KDM2B: variants seen among roughly 807,000 people sequenced by gnomAD.
KDM2B encodes lysine demethylase 2B.
Under a neutral mutation model 150.0 loss-of-function variants are expected in KDM2B, and 26 were observed. The observed-to-expected ratio is 0.17, with a 90% CI of 0.13 to 0.24. The LOEUF (loss-of-function observed/expected upper bound fraction) is 0.24. Among genes scored for constraint, KDM2B ranks in the 10% least tolerant of loss-of-function variants. The pLI is 1.00. For missense variants in KDM2B, 1,265 were observed against 1,816.9 expected (o/e 0.70, Z 5.52); for synonymous variants, 734 against 729.5 (o/e 1.01, Z -0.10).
the KDM2B span, among the ~76,000 whole-genome samples, chr12:121,421,690 TA>T: frequency 1.3e-5 from 2 of 151,958 alleles, no homozygotes; most frequent in African/African-American, 4.8e-5. Context: ...TTTTTAATTG[TA>T]AAAAAAATAT....
At chr12:121,410,218 AG>A in the KDM2B span, among the ~76,000 whole-genome samples, 1 of 151,756 alleles carries the variant, frequency 6.6e-6, no homozygotes, top group Non-Finnish European at 1.5e-5. Context: ...TGGGGCTTAA[AG>A]GGGAGATGGA....
the KDM2B span, among the ~76,000 whole-genome samples, chr12:121,415,052 C>T: frequency 6.6e-5 from 10 of 151,970 alleles, no homozygotes; most frequent in South Asian, 2.1e-4. Flanking sequence ...GCCGAGATCA[C>T]GCCATTACAC....
At chr12:121,466,306 C>G (rs1176260065) in intron 12 of KDM2B, among the ~76,000 whole-genome samples, 1 of 152,206 alleles carries the variant, frequency 6.6e-6, no homozygotes, top group Non-Finnish European at 1.5e-5. Context: ...CGTCCTGTTC[C>G]AAGTATTATT....
Position 121,549,466 on chromosome 12 carries a change from C to T in KDM2B, c.570G>A (p.Pro190=), listed in dbSNP as rs370456747. Residue 190 remains proline (P), a synonymous_variant, in exon 5 of 23, where the codon CCG becomes CCA. Transcript: ENST00000377071. This position sits in a 1 kb window ranked among gnomAD's most constrained non-coding sequence, Gnocchi z 4.4. The part of the protein sequence containing the change: ...HTKLEHLVKR[P]TVVDLVDWVD... ...ACCTGGGCCCCGGACCTACCACAGT[C>T]GGACGCTTGACCAAGTGCTCCAGCT... 46 of 1,597,046 alleles carry T rather than the reference C, an allele frequency of 2.9e-5. No individual in the cohort carries two copies. The highest frequency in any genetic ancestry group is 3.6e-5 in the Non-Finnish European group (42 of 1,167,566).
chr12:121,538,153 G>A (rs1349920003), intron 6 of KDM2B, among the ~76,000 whole-genome samples: 5 of 152,102 alleles, frequency 3.3e-5, no homozygotes, highest in Non-Finnish European at 7.4e-5. Context: ...CGCGGCGCGG[G>A]GCCGCCAGGG....
chr12:121,445,466 G>T, intron 13 of KDM2B, 48 bp from the exon 14 acceptor site: 1 of 1,524,964 alleles, frequency 6.6e-7, no homozygotes. Flanking sequence ...TGGGGAGCAC[G>T]GACCCCCAGG....
intron 12 of KDM2B, among the ~76,000 whole-genome samples, chr12:121,491,777 G>A (rs1413593589): frequency 2.2e-5 from 3 of 135,190 alleles, no homozygotes; most frequent in Non-Finnish European, 4.6e-5. Context: ...CTGGTGACAA[G>A]AGCAAGATTC....
chr12:121,525,817 A>G (rs1887081589), intron 8 of KDM2B, among the ~76,000 whole-genome samples: 1 of 152,224 alleles, frequency 6.6e-6, no homozygotes, highest in African/African-American at 2.4e-5. Flanking sequence ...TTGGGTCTTC[A>G]GTGGTTCTTT....
intron 14 of KDM2B, chr12:121,444,778 C>A (rs1471272066): frequency 3.5e-6 from 2 of 567,690 alleles, no homozygotes; most frequent in African/African-American, 1.9e-5. Context: ...CAAGACACTC[C>A]GTCTCTGTGG....
chr12:121,445,818 C>G (rs1340332125), intron 13 of KDM2B, among the ~76,000 whole-genome samples: 2 of 152,026 alleles, frequency 1.3e-5, no homozygotes, highest in Middle Eastern at 3.2e-3. Context: ...CAGAAAAGCC[C>G]CAAAGGAGCA....
In KDM2B at chr12:121,484,692, C is replaced by A. The variant is rs1260126487; in HGVS notation, c.1734+9887G>T. ...ATTTAGCTGGGCATGATGGTGCACA[C>A]CTGTGGTCCCAGCTACTTGGGAGGC... On this transcript the variant is annotated intron_variant, in intron 12 of 22. Coordinates refer to ENST00000377071, the MANE Select transcript of KDM2B (RefSeq NM_032590.5). Among the ~76,000 whole-genome samples, 4 of 152,042 alleles carry A rather than the reference C, an allele frequency of 2.6e-5. No homozygotes were observed. The East Asian group carries it at 7.7e-4, about 29-fold the overall frequency.
At chr12:121,555,723 T>G (rs1349827992) in intron 4 of KDM2B, among the ~76,000 whole-genome samples, 11 of 152,092 alleles carry the variant, frequency 7.2e-5, no homozygotes, top group Admixed American at 7.2e-4. Flanking sequence ...TTTGGATATT[T>G]TTCCCCCCCA....
At chr12:121,423,650 A>G in the KDM2B span, 855 of 1,284,108 alleles carry the variant, frequency 6.7e-4, 9 homozygotes, top group African/African-American at 0.011. The surrounding 1 kb of genome is among the most constrained non-coding windows in gnomAD (Gnocchi z 4.3). Context: ...AGGGACTGGA[A>G]AGTTATGTTC....
At chr12:121,461,719 T>A (rs1032833205) in intron 12 of KDM2B, among the ~76,000 whole-genome samples, 1 of 151,982 alleles carries the variant, frequency 6.6e-6, no homozygotes, top group Admixed American at 6.6e-5. Flanking sequence ...AAGGAAGGTG[T>A]TGCCCAGCAA....
chr12:121,457,247 A>ATTCTT (rs151066744), intron 12 of KDM2B, among the ~76,000 whole-genome samples: 51 of 151,924 alleles, frequency 3.4e-4, no homozygotes, highest in East Asian at 1.9e-3. Context: ...TCAAACGCCA[A>ATTCTT]TTCTTTTCTT....
Position 121,429,929 on chromosome 12 carries a change from G to A in KDM2B, c.*359C>T. 1 of 627,256 alleles carries A rather than the reference G, an allele frequency of 1.6e-6. No individual in the cohort carries two copies. Among genetic ancestry groups the A allele is most frequent in the East Asian group, 2.7e-5 (1 of 36,596 alleles). The allele number at this position is 627,256 out of a possible 1,614,324, so 38.9% of individuals were successfully genotyped here. On this transcript the variant is annotated 3_prime_UTR_variant, in exon 23 of 23. Transcript: ENST00000377071. ...TGTCAACACCCAAAACCTCGGTGTT[G>A]CAAGGAATGAAGTGTCCAAAACACC...
chr12:121,469,520 A>C (rs1340678719), intron 12 of KDM2B: 2 of 151,308 alleles, frequency 1.3e-5, no homozygotes, highest in African/African-American at 4.9e-5. Context: ...GGGGGTGCTG[A>C]GGCAGGAGAA....
intron 19 of KDM2B, 106 bp from the exon 20 acceptor site, chr12:121,441,339 T>G (rs1874997751): frequency 6.3e-6 from 7 of 1,107,710 alleles, no homozygotes; most frequent in Non-Finnish European, 5.2e-6. Context: ...GGAGGCTCCT[T>G]AACTCAGCGC....
At chr12:121,581,171 CGCTCGGCAAGGGGAGCAGATAGAT>C (rs1555317984), upstream of KDM2B, 2 of 405,734 alleles carry the variant, frequency 4.9e-6, no homozygotes, top group Non-Finnish European at 8.7e-6. Flanking sequence ...AAGGTTCTTG[CGCTCGGCAAGGGGAGCAGATAGAT>C]GCTCAGGAGC....
Sources: allele counts gnomAD v4.1 joint callset (sites outside exome capture counted in the v4.1 genomes callset), GRCh38; gene constraint gnomAD v4.1.1; non-coding constraint Gnocchi (gnomAD v3.1); transcripts MANE v1.5; gene names NCBI Gene and HGNC (gene_info 2026-07-23, HGNC 2026-07-21).